Variants in KANSL3 observed in about 807,000 individuals in gnomAD.
KANSL3 encodes NSL complex protein NSL3.
A neutral mutation model predicts 89.2 loss-of-function variants in KANSL3; 16 were observed. The ratio of observed to expected loss-of-function variants is 0.18; its 90% CI spans 0.12 to 0.27. The LOEUF is 0.27. Among genes scored for constraint, KANSL3 ranks in the 10% least tolerant of loss-of-function variants. KANSL3 has a pLI of 1.00. For missense variants in KANSL3, 879 were observed against 1,110.6 expected, an observed-to-expected ratio of 0.79 and a Z score of 2.96; for synonymous variants, 385 against 419.7, an observed-to-expected ratio of 0.92 and a Z score of 1.01.
rs754569639 is a variant in KANSL3, at chr2:96,631,407, G to T, written c.291C>A (p.Arg97=). The change falls in exon 3 of 21, where the codon CGC becomes CGA. Residue 97 remains arginine (R), a synonymous_variant. Coordinates refer to ENST00000431828, the MANE Select transcript of KANSL3 (RefSeq NM_001115016.3). ...GCCGTTCACACTCATTCATCACGCTGCGTGCCTTCTGATTGTCATAGAGTG... is the reference window on the plus strand; with the variant it reads ...GCCGTTCACACTCATTCATCACGCTTCGTGCCTTCTGATTGTCATAGAGTG... The part of the protein sequence containing the change: ...PMPLYDNQKA[R]SVMNECERHV... The T allele has an allele frequency of 6.2e-7, 1 of 1,605,782 alleles. No homozygotes were observed. The highest frequency in any genetic ancestry group is 8.5e-7 in the Non-Finnish European group (1 of 1,176,010).
intron 5 of KANSL3, among the ~76,000 whole-genome samples, chr2:96,617,490 C>T (rs1404453590): frequency 6.6e-6 from 1 of 150,722 alleles, no homozygotes; most frequent in Non-Finnish European, 1.5e-5. Context: ...GCTGAGGGAA[C>T]GTGTTGGCCA....
chr2:96,590,037 G>A (rs1448857275), downstream of KANSL3, among the ~76,000 whole-genome samples: 1 of 151,784 alleles, frequency 6.6e-6, no homozygotes, highest in Admixed American at 6.6e-5. Context: ...GTGGATGCCT[G>A]TAATCCCAGC....
rs2067373003 is a variant in KANSL3 at position 96,602,798 on chromosome 2, C to T, written c.2214G>A (p.Lys738=). Residue 738 remains lysine (K), a synonymous_variant, in exon 18 of 21, where the codon AAG becomes AAA. Coordinates refer to ENST00000431828, the MANE Select transcript of KANSL3 (RefSeq NM_001115016.3). ...LSFSLQDISS[K]TSGLPANPSP... ...AGGGATTTGCTGGAAGGCCAGAGGT[C>T]TTGCTGCTGATATCCTGCAAGCTGA... 1.2e-6 allele frequency: 2 copies of T among 1,611,636 alleles called. No homozygotes were observed. The highest frequency in any genetic ancestry group is 3.3e-5 in the Admixed American group (2 of 59,704).
intron 14 of KANSL3, chr2:96,605,748 C>A: frequency 3.0e-6 from 1 of 328,388 alleles, no homozygotes; most frequent in South Asian, 6.2e-5. Flanking sequence ...TCTCATCCCT[C>A]ATCCTGCACT....
chr2:96,606,814 C>G lies in KANSL3; in HGVS notation c.1742-1303G>C, dbSNP rs2068051065. 8.3e-6 allele frequency: 3 copies of G among 359,444 alleles called. No individual in the cohort carries two copies. The Admixed American group carries it at 1.2e-4, about 14-fold the overall frequency. 22.3% of individuals were successfully genotyped at this position (359,444 alleles called of 1,614,324 possible). On this transcript the variant is annotated intron_variant, in intron 14 of 20. Coordinates refer to ENST00000431828, the MANE Select transcript of KANSL3 (RefSeq NM_001115016.3). The stretch of plus-strand genomic sequence containing the variant: ...AAAAGGGCAAAGACTACAGAGTAAG[C>G]AAAAGGGGTCAGCAAAACAAAAGAA...
At position 96,604,260 on chromosome 2, in the gene KANSL3, G is replaced by A. The variant is rs1029694449; in HGVS notation, c.2139C>T (p.Ser713=). Reference sequence around the variant, plus strand: ...TGGGCCACAAGATACCTGGGAGGGAGCTGCCAGGAGATGTGGCCACCAGGC... The same window carrying A: ...TGGGCCACAAGATACCTGGGAGGGAACTGCCAGGAGATGTGGCCACCAGGC... ...QSRLVATSPG[S]SLPGATSASS... Residue 713 remains serine, a synonymous_variant, in exon 17 of 21, where the codon AGC becomes AGT. Coordinates refer to ENST00000431828, the MANE Select transcript of KANSL3 (RefSeq NM_001115016.3). The A allele has an allele frequency of 2.5e-6, 4 of 1,606,338 alleles. No homozygotes were observed. Among genetic ancestry groups the A allele is most frequent in the South Asian group, 2.2e-5 (2 of 90,380 alleles).
In KANSL3 at chr2:96,593,649, A is replaced by C; in HGVS notation, c.*1962T>G. 4.6e-6 allele frequency: 1 copy of C among 217,986 alleles called. No homozygotes were observed. Among genetic ancestry groups the C allele is most frequent in the Non-Finnish European group, 9.4e-6 (1 of 105,878 alleles). The allele number at this position is 217,986 out of a possible 1,614,324, so 13.5% of individuals were successfully genotyped here. On this transcript the variant is annotated 3_prime_UTR_variant, in exon 21 of 21. Coordinates refer to ENST00000431828, the MANE Select transcript of KANSL3 (RefSeq NM_001115016.3). ...AGTCATCCCTTGTAAGCACACTAGAATTTATCATAAAGGCAGGTCGGCTTG... is the reference window on the plus strand; with the variant it reads ...AGTCATCCCTTGTAAGCACACTAGACTTTATCATAAAGGCAGGTCGGCTTG...
chr2:96,580,941 CCT>C, the KANSL3 span, among the ~76,000 whole-genome samples: 1 of 152,242 alleles, frequency 6.6e-6, no homozygotes, highest in Non-Finnish European at 1.5e-5. Context: ...GCTGCCACCT[CCT>C]GTTAGGCCAG....
chr2:96,593,610 A>C lies in KANSL3; in HGVS notation c.*2001T>G, dbSNP rs1223890203. 1.4e-5 allele frequency: 4 copies of C among 286,370 alleles called. No individual in the cohort carries two copies. Among genetic ancestry groups the C allele is most frequent in the African/African-American group, 8.7e-5 (4 of 45,902 alleles). The allele number at this position is 286,370 out of a possible 1,614,324, so 17.7% of individuals were successfully genotyped here. On this transcript the variant is annotated 3_prime_UTR_variant, in exon 21 of 21. Coordinates refer to ENST00000431828, the MANE Select transcript of KANSL3 (RefSeq NM_001115016.3). Reference sequence around the variant, plus strand: ...TTGTGGAGTTCTTCAAGGTGGACAGATCACACCTCAGGAAGTCATCCCTTG... The same window carrying C: ...TTGTGGAGTTCTTCAAGGTGGACAGCTCACACCTCAGGAAGTCATCCCTTG...
chr2:96,592,071 G>A (rs1225576056), downstream of KANSL3, among the ~76,000 whole-genome samples: 2 of 152,180 alleles, frequency 1.3e-5, no homozygotes, highest in South Asian at 2.1e-4. Context: ...GTTTCAGAGA[G>A]CTGTCATTTT....
chr2:96,589,653 T>C (rs539382922), downstream of KANSL3, among the ~76,000 whole-genome samples: 3 of 152,002 alleles, frequency 2.0e-5, no homozygotes, highest in South Asian at 4.2e-4. Flanking sequence ...TGACAGAAAA[T>C]CAGCAAGGAT....
intron 9 of KANSL3, 113 bp from the exon 10 acceptor site, chr2:96,611,251 T>C (rs1238696863): frequency 3.4e-5 from 27 of 799,458 alleles, no homozygotes; most frequent in Admixed American, 9.7e-5. Flanking sequence ...CTTCCTCTCC[T>C]GTCCTAATAT....
chr2:96,604,459 G>A, intron 16 of KANSL3, 79 bp from the exon 17 acceptor site: 1 of 1,518,918 alleles, frequency 6.6e-7, no homozygotes, highest in Non-Finnish European at 8.8e-7. Flanking sequence ...GGTACAGAGT[G>A]GGGCCCAGCA....
chr2:96,617,142 C>T (rs1250487807), intron 5 of KANSL3, among the ~76,000 whole-genome samples: 1 of 152,184 alleles, frequency 6.6e-6, no homozygotes, highest in Non-Finnish European at 1.5e-5. Flanking sequence ...TCTACCTGCC[C>T]ACCACTCACC....
downstream of KANSL3, among the ~76,000 whole-genome samples, chr2:96,590,569 G>A (rs2066264710): frequency 6.6e-6 from 1 of 152,038 alleles, no homozygotes; most frequent in Non-Finnish European, 1.5e-5. Flanking sequence ...GATTACAGGT[G>A]TGAGCCATCA....
chr2:96,606,175 G>A (rs934603423), intron 14 of KANSL3: 1 of 152,346 alleles, frequency 6.6e-6, no homozygotes, highest in Non-Finnish European at 1.5e-5. Flanking sequence ...GCAACCTCAC[G>A]GCTCCCACCC....
At chr2:96,581,848 C>T in the KANSL3 span, among the ~76,000 whole-genome samples, 2 of 152,132 alleles carry the variant, frequency 1.3e-5, no homozygotes, top group African/African-American at 4.8e-5. Flanking sequence ...GTACAGTGAA[C>T]ATCCATATCC....
At position 96,597,848 on chromosome 2, in the gene KANSL3, G is replaced by A. The variant is rs148899991; in HGVS notation, c.2617-2217C>T. Among the ~76,000 whole-genome samples, 507 of 152,154 alleles carry A rather than the reference G, an allele frequency of 3.3e-3. 3 individuals are homozygous for A. The highest frequency in any genetic ancestry group is 5.0e-3 in the Non-Finnish European group (338 of 68,010). On this transcript the variant is annotated intron_variant, in intron 20 of 20. Transcript: ENST00000431828. ...GATCTCTTGACCTCGTGATCCACCCGCCTAGGTCTCTCAAAGTGCTGGGAT... is the reference window on the plus strand; with the variant it reads ...GATCTCTTGACCTCGTGATCCACCCACCTAGGTCTCTCAAAGTGCTGGGAT...
At chr2:96,611,728 G>A (rs78662903) in intron 9 of KANSL3, among the ~76,000 whole-genome samples, 2 of 152,066 alleles carry the variant, frequency 1.3e-5, no homozygotes, top group Non-Finnish European at 2.9e-5. Context: ...TGTAAAATAC[G>A]AAAAGATTCC....
Sources: gnomAD v4.1 joint callset for allele counts (sites outside exome capture counted in the v4.1 genomes callset) on GRCh38, gnomAD v4.1.1 for gene constraint, MANE v1.5 for transcripts, NCBI Gene and HGNC (gene_info 2026-07-23, HGNC 2026-07-21) for gene names.